The following KCNT2 variants were observed in gnomAD, a reference collection of about 807,000 sequenced individuals.
The protein encoded by KCNT2 is potassium sodium-activated channel subfamily T member 2, also known as potassium channel subfamily T member 2.
Under a neutral mutation model 153.8 loss-of-function variants are expected in KCNT2, and 67 were observed. That is an observed-to-expected ratio of 0.44 (90% CI 0.36 to 0.53). The LOEUF (loss-of-function observed/expected upper bound fraction) is 0.53. KCNT2 is among the 20% of genes least tolerant of loss of function. KCNT2 has a pLI of 0.00. For synonymous variants in KCNT2, 500 were observed against 458.8 expected (o/e 1.09, Z -1.15); for missense variants, 975 against 1,354.8 (o/e 0.72, Z 4.40).
At chr1:196,281,817 C>T (rs1407613911) in intron 24 of KCNT2, among the ~76,000 whole-genome samples, 6 of 150,450 alleles carry the variant, frequency 4.0e-5, no homozygotes, top group East Asian at 3.9e-4. Flanking sequence ...AGTGCAGTGG[C>T]GCGATCTCGG....
intron 25 of KCNT2, among the ~76,000 whole-genome samples, chr1:196,277,875 A>T (rs2147856825): frequency 6.6e-6 from 1 of 152,194 alleles, no homozygotes; most frequent in East Asian, 1.9e-4. Flanking sequence ...TTCTTTAAAT[A>T]CAAAAAAAAA....
intron 14 of KCNT2, among the ~76,000 whole-genome samples, chr1:196,344,474 C>A (rs886942972): frequency 5.9e-5 from 9 of 152,082 alleles, no homozygotes; most frequent in Non-Finnish European, 1.3e-4. Context: ...GTGGAAAAAA[C>A]GTTCCCTTTG....
intron 1 of KCNT2, among the ~76,000 whole-genome samples, chr1:196,493,457 A>G (rs1680013294): frequency 6.6e-6 from 1 of 152,082 alleles, no homozygotes; most frequent in Admixed American, 6.6e-5. Flanking sequence ...GTTCACTACT[A>G]TATTATCTCA....
At chr1:196,586,964 A>G (rs971006691) in intron 1 of KCNT2, among the ~76,000 whole-genome samples, 9 of 152,248 alleles carry the variant, frequency 5.9e-5, no homozygotes, top group African/African-American at 1.9e-4. Context: ...CTCAATTAGC[A>G]TAATATCATT....
chr1:196,376,655 G>C (rs182965398), intron 13 of KCNT2, among the ~76,000 whole-genome samples: 1 of 151,908 alleles, frequency 6.6e-6, no homozygotes, highest in Non-Finnish European at 1.5e-5. Flanking sequence ...TGTAAGACTT[G>C]ATTACATAAT....
intron 13 of KCNT2, among the ~76,000 whole-genome samples, chr1:196,389,138 G>T (rs1371809141): frequency 1.3e-5 from 2 of 151,674 alleles, no homozygotes; most frequent in Non-Finnish European, 3.0e-5. Flanking sequence ...ATGGTGAACT[G>T]CTCTGATTTT....
At chr1:196,485,534 G>A (rs911378898) in intron 3 of KCNT2, among the ~76,000 whole-genome samples, 1 of 151,732 alleles carries the variant, frequency 6.6e-6, no homozygotes, top group Admixed American at 6.6e-5. Flanking sequence ...CTGTGATATT[G>A]GTAGGCAATT....
At chr1:196,596,676 C>T (rs974755763) in intron 1 of KCNT2, among the ~76,000 whole-genome samples, 3 of 152,102 alleles carry the variant, frequency 2.0e-5, no homozygotes, top group Non-Finnish European at 4.4e-5. Context: ...ATATTAATAA[C>T]CAAATTCAGG....
At chr1:196,345,494 A>G (rs1666064462) in intron 14 of KCNT2, among the ~76,000 whole-genome samples, 1 of 152,142 alleles carries the variant, frequency 6.6e-6, no homozygotes, top group African/African-American at 2.4e-5. Flanking sequence ...ACTAGCTGGG[A>G]GGAGGGATCA....
chr1:196,290,804 A>G (rs189884190), intron 22 of KCNT2, among the ~76,000 whole-genome samples: 2 of 152,190 alleles, frequency 1.3e-5, no homozygotes. Flanking sequence ...TTATTGAAAT[A>G]ACTTACTAAC....
intron 25 of KCNT2, among the ~76,000 whole-genome samples, chr1:196,261,175 A>C (rs1462597937): frequency 1.3e-5 from 2 of 151,920 alleles, no homozygotes; most frequent in African/African-American, 4.8e-5. Flanking sequence ...TGCTGGATAC[A>C]CAACAGTGCC....
Position 196,451,217 on chromosome 1 carries a change from C to CTTTTTTTTTTTTTTTTTTTTTTTT in KCNT2, c.638+14052_638+14075dup, listed in dbSNP as rs561944079. ...GCTATATCCCTCTTAATCCCTCTTT[C>CTTTTTTTTTTTTTTTTTTTTTTTT]TTTTTTTTTTTTTTTTTTTTTTTTT... On this transcript the variant is annotated intron_variant, in intron 8 of 27. Coordinates refer to ENST00000294725, the MANE Select transcript of KCNT2 (RefSeq NM_198503.5). Among the ~76,000 whole-genome samples the CTTTTTTTTTTTTTTTTTTTTTTTT allele has an allele frequency of 2.7e-4, 17 of 63,558 alleles. 1 individual carries two copies. The highest frequency in any genetic ancestry group is 8.2e-4 in the Admixed American group (3 of 3,640). The allele number at this position is 63,558 out of a possible 152,430, so 41.7% of individuals were successfully genotyped here.
At position 196,314,326 on chromosome 1, in the gene KCNT2, T is replaced by C. The variant is rs182162747; in HGVS notation, c.2483+1566A>G. On this transcript the variant is annotated intron_variant, in intron 21 of 27. Transcript: ENST00000294725. ...TCAAAAAGCATGATTTTTACCCTAC[T>C]CACTAGCTATAAATCTCATCCTTGA... 1.1e-3 allele frequency among the ~76,000 whole-genome samples: 173 copies of C among 151,696 alleles called. 2 individuals are homozygous for C. Among genetic ancestry groups the C allele is most frequent in the Non-Finnish European group, 1.5e-4 (10 of 67,710 alleles).
chr1:196,344,224 G>T (rs901850673), intron 14 of KCNT2, among the ~76,000 whole-genome samples: 1 of 152,146 alleles, frequency 6.6e-6, no homozygotes, highest in Non-Finnish European at 1.5e-5. Context: ...GAGAAAACAC[G>T]CAGTAAATGT....
At chr1:196,414,470 G>T (rs1396805645) in intron 12 of KCNT2, among the ~76,000 whole-genome samples, 1 of 151,624 alleles carries the variant, frequency 6.6e-6, no homozygotes, top group Non-Finnish European at 1.5e-5. Context: ...AAAGAATTTT[G>T]TTTAATCTTA....
chr1:196,563,570 G>T (rs1468016215), intron 1 of KCNT2, among the ~76,000 whole-genome samples: 1 of 150,122 alleles, frequency 6.7e-6, no homozygotes, highest in African/African-American at 2.5e-5. Context: ...GAAACTACAA[G>T]AAAAGAAAAT....
intron 18 of KCNT2, among the ~76,000 whole-genome samples, chr1:196,330,674 A>T (rs1392823449): frequency 6.6e-6 from 1 of 152,036 alleles, no homozygotes; most frequent in Admixed American, 6.6e-5. Context: ...TCCAAGAATG[A>T]CAGTAAAATT....
intron 8 of KCNT2, among the ~76,000 whole-genome samples, chr1:196,454,905 A>G (rs980103778): frequency 6.6e-6 from 1 of 151,954 alleles, no homozygotes; most frequent in African/African-American, 2.4e-5. Context: ...CACTACTAGA[A>G]GCTCTAGGGG....
At chr1:196,277,344 CTG>C (rs1327680539) in intron 25 of KCNT2, among the ~76,000 whole-genome samples, 1 of 152,088 alleles carries the variant, frequency 6.6e-6, no homozygotes, top group Non-Finnish European at 1.5e-5. Flanking sequence ...TCTCCCACAT[CTG>C]TATTTTTAGG....
Sources: gnomAD v4.1 joint callset for allele counts (sites outside exome capture counted in the v4.1 genomes callset) on GRCh38, gnomAD v4.1.1 for gene constraint, MANE v1.5 for transcripts, NCBI Gene and HGNC (gene_info 2026-07-23, HGNC 2026-07-21) for gene names.